The following MAML2 variants were observed in gnomAD, a reference collection of about 807,000 sequenced individuals.
MAML2 encodes mastermind like transcriptional coactivator 2, also known as mastermind-like protein 2.
In MAML2, 22 loss-of-function variants were observed where a neutral mutation model predicts 96.1. The ratio of observed to expected loss-of-function variants is 0.23; its 90% CI spans 0.16 to 0.33. The LOEUF (loss-of-function observed/expected upper bound fraction) is 0.33. Ranked by LOEUF, MAML2 falls within the 10% of genes least tolerant of loss-of-function variation. The probability of loss-of-function intolerance (pLI) is 1.00; values close to 1 mark genes in which losing one functional copy is unlikely to be tolerated. For synonymous variants in MAML2, 561 were observed against 521.3 expected, an observed-to-expected ratio of 1.08 and a Z score of -1.04; for missense variants, 1,367 against 1,392.4, an observed-to-expected ratio of 0.98 and a Z score of 0.29.
intron 1 of MAML2, among the ~76,000 whole-genome samples, chr11:96,259,827 A>G (rs1338301331): frequency 2.6e-5 from 4 of 152,148 alleles, no homozygotes; most frequent in Admixed American, 6.5e-5. Flanking sequence ...AACAATCTCA[A>G]TGTGAATGAC....
chr11:96,227,411 A>G (rs901934694), intron 1 of MAML2, among the ~76,000 whole-genome samples: 3 of 152,216 alleles, frequency 2.0e-5, no homozygotes. Context: ...TGTAAGTTTC[A>G]TGCCAAGAAT....
At chr11:96,108,068 G>T (rs958533043) in intron 1 of MAML2, among the ~76,000 whole-genome samples, 1 of 152,210 alleles carries the variant, frequency 6.6e-6, no homozygotes, top group African/African-American at 2.4e-5. Flanking sequence ...AGAAGCACAG[G>T]TCACAACCTA....
chr11:96,341,332 A>T, intron 1 of MAML2, 51 bp downstream of exon 1: 1 of 1,471,984 alleles, frequency 6.8e-7, no homozygotes, highest in Non-Finnish European at 9.0e-7. Flanking sequence ...CTCTACCCTC[A>T]CAAAAGGTCA....
chr11:96,151,144 C>T (rs913242544), intron 1 of MAML2, among the ~76,000 whole-genome samples: 2 of 152,212 alleles, frequency 1.3e-5, no homozygotes, highest in Non-Finnish European at 2.9e-5. Context: ...TTTTCACTTT[C>T]TTCTAGCCTA....
rs563527580 is a variant in MAML2 at position 96,300,554 on chromosome 11, G to A, written c.513+40829C>T. ...TAAAAGGAGAGAAATGTTCTTAGGG[G>A]AGAAGCAGATTTCCTGAAGGCCTGG... On this transcript the variant is annotated intron_variant, in intron 1 of 4. Transcript: ENST00000524717. Among the ~76,000 whole-genome samples, 4 of 152,294 alleles carry A rather than the reference G, an allele frequency of 2.6e-5. No individual in the cohort carries two copies. The South Asian group carries it at 8.3e-4, about 32-fold the overall frequency.
At chr11:96,043,185 C>T (rs1367037689) in intron 2 of MAML2, among the ~76,000 whole-genome samples, 1 of 152,196 alleles carries the variant, frequency 6.6e-6, no homozygotes, top group Non-Finnish European at 1.5e-5. Flanking sequence ...GGACCAACAG[C>T]TAATACTGAT....
intron 2 of MAML2, among the ~76,000 whole-genome samples, chr11:96,085,225 G>A (rs1040954170): frequency 2.0e-5 from 3 of 152,008 alleles, no homozygotes; most frequent in African/African-American, 7.3e-5. Context: ...AATGTAAAAG[G>A]GTTAAGATGA....
intron 1 of MAML2, among the ~76,000 whole-genome samples, chr11:96,119,178 T>G (rs1174989871): frequency 1.3e-5 from 2 of 152,218 alleles, no homozygotes; most frequent in Non-Finnish European, 2.9e-5. Flanking sequence ...ATTCATGCCT[T>G]AATCCCTGGG....
intron 2 of MAML2, among the ~76,000 whole-genome samples, chr11:96,022,578 T>C (rs543045867): frequency 6.7e-6 from 1 of 149,118 alleles, no homozygotes; most frequent in Non-Finnish European, 1.5e-5. Flanking sequence ...ACTGTCCCTG[T>C]CTATCTGTCC....
chr11:96,151,941 G>T (rs1398324850), intron 1 of MAML2, among the ~76,000 whole-genome samples: 2 of 152,252 alleles, frequency 1.3e-5, no homozygotes, highest in East Asian at 3.9e-4. Context: ...TTATAGCTAG[G>T]CATAGTGACT....
At chr11:96,002,321 A>G (rs990431404) in intron 2 of MAML2, among the ~76,000 whole-genome samples, 1 of 152,232 alleles carries the variant, frequency 6.6e-6, no homozygotes, top group Non-Finnish European at 1.5e-5. Context: ...TGTGAGGCAC[A>G]TGGTGTGAAA....
intron 2 of MAML2, among the ~76,000 whole-genome samples, chr11:96,083,585 G>A (rs1252819080): frequency 6.6e-6 from 1 of 152,204 alleles, no homozygotes; most frequent in African/African-American, 2.4e-5. Flanking sequence ...AGCAGACTTG[G>A]TATGGAGGAA....
At chr11:96,321,689 C>T (rs1027020618) in intron 1 of MAML2, among the ~76,000 whole-genome samples, 3 of 152,138 alleles carry the variant, frequency 2.0e-5, no homozygotes, top group Non-Finnish European at 4.4e-5. Context: ...AAGGGCAAAA[C>T]GATTTACTCA....
intron 1 of MAML2, among the ~76,000 whole-genome samples, chr11:96,164,270 G>C (rs575055946): frequency 6.6e-6 from 1 of 152,110 alleles, no homozygotes; most frequent in African/African-American, 2.4e-5. Flanking sequence ...TGTGAATCTA[G>C]TCATAAAAGC....
At chr11:96,224,671 T>C (rs1862186620) in intron 1 of MAML2, among the ~76,000 whole-genome samples, 1 of 152,230 alleles carries the variant, frequency 6.6e-6, no homozygotes, top group Admixed American at 6.5e-5. Flanking sequence ...TCTCAGCTTC[T>C]CTGGGACAGA....
intron 1 of MAML2, among the ~76,000 whole-genome samples, chr11:96,162,321 T>C (rs1043017674): frequency 6.6e-6 from 1 of 151,786 alleles, no homozygotes; most frequent in Admixed American, 6.6e-5. Flanking sequence ...AAACAAAGCA[T>C]TTTATTAAAA....
At chr11:96,262,321 C>A (rs1191355266) in intron 1 of MAML2, among the ~76,000 whole-genome samples, 1 of 152,038 alleles carries the variant, frequency 6.6e-6, no homozygotes, top group African/African-American at 2.4e-5. Context: ...TTAATTTGAC[C>A]CTCAGTTAGC....
Position 96,116,745 on chromosome 11 carries a change from T to C in MAML2, c.514-23228A>G, listed in dbSNP as rs545796397. Among the ~76,000 whole-genome samples the C allele has an allele frequency of 3.2e-3, 492 of 152,346 alleles. 1 individual carries two copies. Among genetic ancestry groups the C allele is most frequent in the Middle Eastern group, 6.8e-3 (2 of 294 alleles). On this transcript the variant is annotated intron_variant, in intron 1 of 4. Transcript: ENST00000524717. ...CTCAGTGGAATATGGTGATGATTCA[T>C]ATGTATGGCGAAGAGAGTGAGGATT...
intron 1 of MAML2, among the ~76,000 whole-genome samples, chr11:96,261,960 A>G (rs1183705336): frequency 6.6e-6 from 1 of 152,246 alleles, no homozygotes; most frequent in Admixed American, 6.5e-5. Flanking sequence ...AATCAGTGGC[A>G]TTCTCTGACT....
Sources: gnomAD v4.1 joint callset for allele counts (sites outside exome capture counted in the v4.1 genomes callset) on GRCh38, gnomAD v4.1.1 for gene constraint, MANE v1.5 for transcripts, NCBI Gene and HGNC (gene_info 2026-07-23, HGNC 2026-07-21) for gene names.